The following DNAH5 variants were observed in gnomAD, a reference collection of about 807,000 sequenced individuals.
The protein encoded by DNAH5 is dynein axonemal heavy chain 5.
Under a neutral mutation model 518.2 loss-of-function variants are expected in DNAH5, and 372 were observed. The observed-to-expected ratio is 0.72, with a 90% CI of 0.66 to 0.78. The LOEUF (loss-of-function observed/expected upper bound fraction) is 0.78, where lower values mean the gene tolerates loss of function less well. DNAH5 is among the 30% of genes least tolerant of loss of function. The probability of loss-of-function intolerance (pLI) is 0.00; values close to 1 mark genes in which losing one functional copy is unlikely to be tolerated. For synonymous variants in DNAH5, 2,039 were observed against 2,025.9 expected (o/e 1.01, Z -0.17); for missense variants, 5,523 against 5,687.0 (o/e 0.97, Z 0.93).
At chr5:14,011,763 CGCTCAGGCCGCCCG>C (rs1785153316) in exon 1 of DNAH5, among the ~76,000 whole-genome samples, 1 of 152,192 alleles carries the variant, frequency 6.6e-6, no homozygotes, top group Non-Finnish European at 1.5e-5. Flanking sequence ...CTCCGGAGTC[CGCTCAGGCCGCCCG>C]GCTAGCCGGC....
chr5:13,877,780 C>T (rs1210523863), intron 21 of DNAH5, among the ~76,000 whole-genome samples: 4 of 152,192 alleles, frequency 2.6e-5, no homozygotes. Context: ...TAAGGTTCCC[C>T]ATGGCTTGGC....
At position 13,900,251 on chromosome 5, in the gene DNAH5, G is replaced by C. The variant is rs968705039; in HGVS notation, c.2214C>G (p.Leu738=). The change falls in exon 15 of 79, where the codon CTC becomes CTG. Residue 738 remains leucine (L), a synonymous_variant. Coordinates refer to ENST00000265104, the MANE Select transcript of DNAH5 (RefSeq NM_001369.3). ...TTTTGTATCTATCTCGTTTCTGGAA[G>C]AGGGAAGTTGCCAGTGGAGAGACTT... ...GLEVSPLATS[L]FQKRDRYKRN... 1 of 1,614,026 alleles carries C rather than the reference G, an allele frequency of 6.2e-7. No individual in the cohort carries two copies. The highest frequency in any genetic ancestry group is 8.5e-7 in the Non-Finnish European group (1 of 1,179,988).
At chr5:13,825,595 A>C (rs1237023972) in intron 38 of DNAH5, among the ~76,000 whole-genome samples, 1 of 152,216 alleles carries the variant, frequency 6.6e-6, no homozygotes, top group Non-Finnish European at 1.5e-5. Context: ...CACTAAGTAA[A>C]ATATGGCAGT....
chr5:13,886,218 G>T, intron 17 of DNAH5, 89 bp from the exon 18 acceptor site: 2 of 1,350,128 alleles, frequency 1.5e-6, no homozygotes, highest in Non-Finnish European at 2.0e-6. Context: ...TAGCAATGCT[G>T]TGGCTCAGCC....
At chr5:13,737,980 T>C (rs1438019005) in intron 65 of DNAH5, among the ~76,000 whole-genome samples, 2 of 151,708 alleles carry the variant, frequency 1.3e-5, no homozygotes, top group African/African-American at 2.4e-5. Flanking sequence ...GGAGAATCCC[T>C]TGAGCCAGGG....
chr5:13,981,306 C>T (rs1233875211), intron 1 of DNAH5, among the ~76,000 whole-genome samples: 1 of 152,196 alleles, frequency 6.6e-6, no homozygotes, highest in Non-Finnish European at 1.5e-5. Context: ...TGTACTTGAT[C>T]ATGAGCTCTT....
chr5:13,953,217 C>T (rs1232013162), intron 1 of DNAH5, among the ~76,000 whole-genome samples: 1 of 152,114 alleles, frequency 6.6e-6, no homozygotes, highest in Non-Finnish European at 1.5e-5. Flanking sequence ...TCACTAAAAC[C>T]AACATCACAA....
rs142550379 is a variant in DNAH5 at position 13,993,078 on chromosome 5, G to T, written c.12+18570C>A. 7.7e-3 allele frequency among the ~76,000 whole-genome samples: 1,173 copies of T among 152,354 alleles called. 11 individuals are homozygous for T. Among genetic ancestry groups the T allele is most frequent in the Middle Eastern group, 0.014 (4 of 294 alleles). ...AATGAAAGGGCAATGGAAAGTCATA[G>T]ACACAGAGCATGATTAACATCCTCA... On this transcript the variant is annotated intron_variant, in intron 1 of 78. Transcript: ENST00000681290.
Position 13,871,671 on chromosome 5 carries a change from G to A in DNAH5, c.3491C>T (p.Pro1164Leu), listed in dbSNP as rs878854456. ...CTGGGACTCAAATTCAGAAAGCAAG[G>A]GGCTCTGTGTAATAAATGTCTTAAT... is the stretch of plus-strand genomic sequence containing the variant. ...EAIKTFITQS[P>L]LLSEFESQIL... Residue 1164 changes from proline (P) to leucine (L), a missense_variant, in exon 23 of 79, where the codon CCC (proline) becomes CTC (leucine). By Grantham distance (98) the Pro-to-Leu change is moderately conservative. This residue lies in a region of DNAH5 where 5,121 missense variants were observed against 5,223.3 expected (regional missense o/e 0.98). Transcript: ENST00000265104. The A allele has an allele frequency of 1.2e-6, 2 of 1,613,720 alleles. No homozygotes were observed. The highest frequency in any genetic ancestry group is 1.7e-6 in the Non-Finnish European group (2 of 1,179,758).
Position 13,807,572 on chromosome 5 carries a change from CA to C in DNAH5, c.7887+18del. ...TATCACAAAATTGGGCTTACTGAGC[CA>C]TACCAAAGAGCCAGTACCTGGAACA... is the stretch of plus-strand genomic sequence containing the variant. On this transcript the variant is annotated intron_variant, in intron 47 of 78. Transcript: ENST00000265104. 1 of 1,612,386 alleles carries C rather than the reference CA, an allele frequency of 6.2e-7. No individual in the cohort carries two copies. Among genetic ancestry groups the C allele is most frequent in the Non-Finnish European group, 8.5e-7 (1 of 1,179,028 alleles).
chr5:13,800,461 G>T (rs1053566041), intron 47 of DNAH5, among the ~76,000 whole-genome samples: 1 of 152,058 alleles, frequency 6.6e-6, no homozygotes, highest in Admixed American at 6.5e-5. Context: ...ACTACCTATT[G>T]CCCCATCCAA....
intron 1 of DNAH5, among the ~76,000 whole-genome samples, chr5:13,955,411 C>A (rs369964041): frequency 1.3e-5 from 2 of 152,064 alleles, no homozygotes; most frequent in East Asian, 3.8e-4. Flanking sequence ...ACTAATACAC[C>A]AAGAGAACTC....
intron 1 of DNAH5, among the ~76,000 whole-genome samples, chr5:14,003,747 C>T (rs1581156974): frequency 6.6e-6 from 1 of 152,348 alleles, no homozygotes; most frequent in Admixed American, 6.5e-5. Context: ...TGCGGCCAAG[C>T]CTTGCTCTCT....
At chr5:13,778,596 A>AAGAAAGAAAGAAAGAAAGAGAGAGAG (rs768853052) in intron 53 of DNAH5, among the ~76,000 whole-genome samples, 4 of 102,148 alleles carry the variant, frequency 3.9e-5, no homozygotes, top group African/African-American at 7.5e-5. Context: ...GAAAGAAAGA[A>AAGAAAGAAAGAAAGAAAGAGAGAGAG]AGAGAGAGAG....
In DNAH5 at chr5:13,714,508, G is replaced by C. The variant is rs765919049; in HGVS notation, c.13022C>G (p.Pro4341Arg). 6.2e-7 allele frequency: 1 copy of C among 1,614,122 alleles called. No individual in the cohort carries two copies. Among genetic ancestry groups the C allele is most frequent in the Non-Finnish European group, 8.5e-7 (1 of 1,180,014 alleles). The change falls in exon 75 of 79, where the codon CCC becomes CGC. Residue 4341 changes from proline (P) to arginine (R), a missense_variant. By Grantham distance (103) the Pro-to-Arg change is moderately radical. Around this residue, in one of 3 missense-constraint regions of DNAH5, gnomAD observed 387 missense variants for 430.0 expected, o/e 0.90. Coordinates refer to ENST00000265104, the MANE Select transcript of DNAH5 (RefSeq NM_001369.3). ...DVLDTILGIQ[P>R]KDTSGGGDET... ...ATCCCCTCCACCAGAGGTGTCCTTG[G>C]GTTGGATGCCTAGGATGGTGTCCAG...
At chr5:13,801,718 G>C (rs1003380381) in intron 47 of DNAH5, among the ~76,000 whole-genome samples, 2 of 152,054 alleles carry the variant, frequency 1.3e-5, no homozygotes, top group Non-Finnish European at 2.9e-5. Flanking sequence ...CAGGACTCCA[G>C]GGGGTTCCTC....
At chr5:13,731,190 A>T (rs564794689) in intron 68 of DNAH5, among the ~76,000 whole-genome samples, 1 of 152,330 alleles carries the variant, frequency 6.6e-6, no homozygotes. Context: ...ATATATTTAC[A>T]ATGAGGTCAG....
Position 13,786,256 on chromosome 5 carries a change from G to A in DNAH5, c.8743C>T (p.Gln2915Ter). The change falls in exon 52 of 79, where the codon CAG (glutamine) becomes TAG (stop). Residue 2915 changes from glutamine to a stop codon, truncating the protein, a stop_gained. Transcript: ENST00000265104. LOFTEE classifies it high-confidence loss of function. The stretch of plus-strand genomic sequence containing the variant: ...CCACGGATGCTCTCATTATAGAGCT[G>A]CAGGAACATATTCAGACGCTCTTTT... ...HLKERLNMFL[Q>*]LYNESIRGAG... 6.2e-7 allele frequency: 1 copy of A among 1,614,064 alleles called. No individual in the cohort carries two copies. Among genetic ancestry groups the A allele is most frequent in the Non-Finnish European group, 8.5e-7 (1 of 1,180,004 alleles).
intron 59 of DNAH5, among the ~76,000 whole-genome samples, chr5:13,764,609 T>G (rs1321519944): frequency 6.6e-6 from 1 of 152,222 alleles, no homozygotes. Flanking sequence ...TATATATAGA[T>G]ACATCAGTTT....
Sources: allele counts gnomAD v4.1 joint callset (sites outside exome capture counted in the v4.1 genomes callset), GRCh38; gene constraint gnomAD v4.1.1; regional missense constraint gnomAD v4.1.1; transcripts MANE v1.5; gene names NCBI Gene and HGNC (gene_info 2026-07-23, HGNC 2026-07-21).